The following DMD variants were observed in gnomAD, a reference collection of about 807,000 sequenced individuals.
The protein encoded by DMD is mutant dystrophin.
In DMD, 63 loss-of-function variants were observed where a neutral mutation model predicts 330.1. The ratio of observed to expected loss-of-function variants is 0.19; its 90% CI spans 0.16 to 0.24. DMD has a LOEUF of 0.24. Ranked by LOEUF, DMD falls within the 10% of genes least tolerant of loss-of-function variation. The pLI is 1.00. For missense variants in DMD, 3,344 were observed against 2,684.1 expected (o/e 1.25, Z -5.43); for synonymous variants, 1,223 against 959.8 (o/e 1.27, Z -5.07).
intron 7 of DMD, among the ~76,000 whole-genome samples, chrX:32,745,879 CTG>C (rs1399469051): frequency 8.9e-6 from 1 of 111,826 alleles, no homozygotes; most frequent in Non-Finnish European, 1.9e-5. Context: ...CTGCAAAATT[CTG>C]TATTTTCCTT....
At chrX:31,686,987 T>C (rs2082727590) in intron 52 of DMD, among the ~76,000 whole-genome samples, 1 of 109,620 alleles carries the variant, frequency 9.1e-6, no homozygotes, top group Admixed American at 9.7e-5. Context: ...TCAGCCACAG[T>C]AGGATGGGGC....
chrX:33,008,806 A>ATATATGTGTATATATACGTG (rs1159810870), intron 2 of DMD, among the ~76,000 whole-genome samples: 2 of 99,209 alleles, frequency 2.0e-5, no homozygotes, highest in African/African-American at 7.8e-5. Context: ...ATATATACGT[A>ATATATGTGTATATATACGTG]TATATACACA....
chrX:31,850,043 G>A lies in DMD; in HGVS notation c.7099-13224C>T, dbSNP rs192227102. Among the ~76,000 whole-genome samples the A allele has an allele frequency of 1.0e-4, 11 of 110,325 alleles. No individual in the cohort carries two copies. The East Asian group carries it at 1.4e-3, about 14-fold the overall frequency. On this transcript the variant is annotated intron_variant, in intron 48 of 78. Transcript: ENST00000357033. ...TTATTTTTTCTGGTTCTCTCCCTCC[G>A]CCCAACCTCCACCCTCTGATAGGCC... is the stretch of plus-strand genomic sequence containing the variant.
At chrX:31,550,057 A>C (rs1158004253) in intron 55 of DMD, among the ~76,000 whole-genome samples, 2 of 111,693 alleles carry the variant, frequency 1.8e-5, no homozygotes, top group African/African-American at 3.3e-5. Context: ...GAGTCATCTA[A>C]GCAATAACTC....
Position 32,623,817 on chromosome X carries a change from G to A in DMD, c.1332-9364C>T, listed in dbSNP as rs1013111399. ...TCTGGGATTACAGGCGTGAGCCACC[G>A]CACCTAGCTACTGTTATTTTATTTC... On this transcript the variant is annotated intron_variant, in intron 11 of 78. Coordinates refer to ENST00000357033, the MANE Select transcript of DMD (RefSeq NM_004006.3). 5.4e-5 allele frequency among the ~76,000 whole-genome samples: 6 copies of A among 111,678 alleles called. No homozygotes were observed. The East Asian group carries it at 1.1e-3, about 21-fold the overall frequency.
chrX:31,961,422 C>G (rs1284343665), intron 45 of DMD, among the ~76,000 whole-genome samples: 2 of 111,843 alleles, frequency 1.8e-5, no homozygotes, highest in Non-Finnish European at 3.8e-5. Context: ...TACTTACTGG[C>G]CATCTACAAT....
rs1420040579 is a variant in DMD at position 31,478,494 on chromosome X, G to A, written c.8669-120C>T. The stretch of plus-strand genomic sequence containing the variant: ...ACAAGAGGGTAACCTACTGATTAAC[G>A]GCTTTTTTATACTTTGGCATAAATT... On this transcript the variant is annotated intron_variant, in intron 58 of 78. Transcript: ENST00000357033. The A allele has an allele frequency of 6.2e-6, 6 of 973,043 alleles. No individual in the cohort carries two copies. In the East Asian group the frequency reaches 9.3e-5, roughly 15 times the overall value. The allele number at this position is 973,043 out of a possible 1,213,427, so 80.2% of individuals were successfully genotyped here. A position where few individuals can be genotyped will look rare whatever the true frequency, so the allele number is the denominator to read the frequency against.
intron 41 of DMD, among the ~76,000 whole-genome samples, chrX:32,322,829 T>C (rs2097625667): frequency 9.0e-6 from 1 of 111,403 alleles, no homozygotes; most frequent in Non-Finnish European, 1.9e-5. Flanking sequence ...CTACAGAGAC[T>C]ACTAAAAAAA....
intron 76 of DMD, among the ~76,000 whole-genome samples, chrX:31,144,728 C>T (rs1448220048): frequency 9.0e-6 from 1 of 111,249 alleles, no homozygotes; most frequent in Non-Finnish European, 1.9e-5. Context: ...AAGTATATAA[C>T]CAGTTTAGGT....
At chrX:31,307,418 G>A (rs935084254) in intron 62 of DMD, among the ~76,000 whole-genome samples, 4 of 111,631 alleles carry the variant, frequency 3.6e-5, no homozygotes, top group African/African-American at 1.3e-4. Flanking sequence ...TGGCAATTTT[G>A]TTGATGATGA....
chrX:32,501,380 G>A (rs1028000317), intron 19 of DMD, among the ~76,000 whole-genome samples: 3 of 111,673 alleles, frequency 2.7e-5, no homozygotes, highest in African/African-American at 6.5e-5. Flanking sequence ...AAAACATATT[G>A]CAAAAATGAT....
intron 74 of DMD, among the ~76,000 whole-genome samples, chrX:31,160,096 G>A (rs1430470346): frequency 2.7e-5 from 3 of 111,368 alleles, no homozygotes; most frequent in Admixed American, 9.6e-5. Flanking sequence ...TGAAGCTAAA[G>A]GTGCTGTCTT....
chrX:32,167,406 T>G (rs2096872180), intron 44 of DMD, among the ~76,000 whole-genome samples: 1 of 111,912 alleles, frequency 8.9e-6, no homozygotes, highest in African/African-American at 3.2e-5. Flanking sequence ...CTTTGTGATG[T>G]TGGTCCAGTT....
chrX:31,378,935 C>T (rs1183259810), intron 60 of DMD, among the ~76,000 whole-genome samples: 2 of 111,121 alleles, frequency 1.8e-5, no homozygotes, highest in South Asian at 3.9e-4. Context: ...AGCCAGAAAA[C>T]GGCACTTTCA....
At chrX:32,484,643 CA>C (rs780541429) in intron 21 of DMD, among the ~76,000 whole-genome samples, 5 of 111,937 alleles carry the variant, frequency 4.5e-5, no homozygotes, top group African/African-American at 1.6e-4. Context: ...CTTCTATATT[CA>C]AAACATCTGA....
intron 48 of DMD, among the ~76,000 whole-genome samples, chrX:31,845,592 A>C (rs950174353): frequency 2.7e-5 from 3 of 110,794 alleles, no homozygotes; most frequent in Non-Finnish European, 3.8e-5. Flanking sequence ...TGGAAGAAAC[A>C]TAGGAAATGC....
Position 32,501,736 on chromosome X carries a change from A to T in DMD, c.2380+19T>A. ...ATCAAATCCCTAAGAAGATTATCTA[A>T]ATCAACTCGTGTAATTACCATTCAC... On this transcript the variant is annotated intron_variant, in intron 19 of 78. Coordinates refer to ENST00000357033, the MANE Select transcript of DMD (RefSeq NM_004006.3). 1.7e-6 allele frequency: 2 copies of T among 1,157,366 alleles called. No homozygotes were observed. The highest frequency in any genetic ancestry group is 2.4e-6 in the Non-Finnish European group (2 of 847,514).
At chrX:32,840,014 T>G (rs185545181) in intron 4 of DMD, among the ~76,000 whole-genome samples, 17 of 112,151 alleles carry the variant, frequency 1.5e-4, no homozygotes, top group African/African-American at 5.5e-4. Context: ...CAGCCTAGAT[T>G]TACTTTTGAA....
At chrX:31,372,421 G>C (rs932996540) in intron 60 of DMD, among the ~76,000 whole-genome samples, 2 of 111,840 alleles carry the variant, frequency 1.8e-5, no homozygotes, top group Non-Finnish European at 1.9e-5. Context: ...GAAGGACATA[G>C]TTCCTGGGCT....
Sources: gnomAD v4.1 joint callset for allele counts (sites outside exome capture counted in the v4.1 genomes callset) on GRCh38, gnomAD v4.1.1 for gene constraint, MANE v1.5 for transcripts, NCBI Gene and HGNC (gene_info 2026-07-23, HGNC 2026-07-21) for gene names.